CLSTN2: variants seen among roughly 807,000 people sequenced by gnomAD.
CLSTN2 encodes calsyntenin 2.
A neutral mutation model predicts 101.2 loss-of-function variants in CLSTN2; 48 were observed. The ratio of observed to expected loss-of-function variants is 0.47; its 90% confidence interval spans 0.38 to 0.60. The LOEUF (loss-of-function observed/expected upper bound fraction) is 0.60, where lower values mean the gene tolerates loss of function less well. Among genes scored for constraint, CLSTN2 ranks in the 20% least tolerant of loss-of-function variants. The probability of loss-of-function intolerance (pLI) is 0.00; values close to 1 mark genes in which losing one functional copy is unlikely to be tolerated. For synonymous variants in CLSTN2, 481 were observed against 463.6 expected (o/e 1.04, Z -0.48); for missense variants, 1,160 against 1,238.2 (o/e 0.94, Z 0.95).
intron 1 of CLSTN2, among the ~76,000 whole-genome samples, chr3:139,978,145 A>C (rs1368053440): frequency 6.6e-6 from 1 of 152,204 alleles, no homozygotes; most frequent in East Asian, 1.9e-4. Context: ...GAAAAAAGCA[A>C]GGGATCCTGA....
intron 1 of CLSTN2, among the ~76,000 whole-genome samples, chr3:139,958,574 A>G (rs578019039): frequency 1.5e-4 from 23 of 151,954 alleles, no homozygotes; most frequent in African/African-American, 5.6e-4. Flanking sequence ...GCTGGCCATG[A>G]TGTACCAGGT....
chr3:140,458,078 G>A (rs768721382), intron 6 of CLSTN2, among the ~76,000 whole-genome samples: 1 of 152,108 alleles, frequency 6.6e-6, no homozygotes, highest in Non-Finnish European at 1.5e-5. Flanking sequence ...AGGGAAAACT[G>A]GCTGAGTTGA....
At chr3:139,962,335 G>A (rs1020980476) in intron 1 of CLSTN2, among the ~76,000 whole-genome samples, 4 of 151,978 alleles carry the variant, frequency 2.6e-5, no homozygotes, top group Non-Finnish European at 2.9e-5. Flanking sequence ...AACTTTTGAC[G>A]TATGTATATA....
chr3:140,105,891 C>T (rs888153876), intron 1 of CLSTN2, among the ~76,000 whole-genome samples: 29 of 152,186 alleles, frequency 1.9e-4, no homozygotes, highest in Non-Finnish European at 4.0e-4. Flanking sequence ...AAGTCACACT[C>T]GGTGACCTAA....
At chr3:139,979,765 T>A (rs1935885008) in intron 1 of CLSTN2, among the ~76,000 whole-genome samples, 1 of 152,090 alleles carries the variant, frequency 6.6e-6, no homozygotes, top group African/African-American at 2.4e-5. Context: ...TACTCTGCTT[T>A]CTGCTGTATC....
intron 1 of CLSTN2, among the ~76,000 whole-genome samples, chr3:140,074,296 C>A (rs1480223998): frequency 1.3e-5 from 2 of 152,166 alleles, no homozygotes; most frequent in Non-Finnish European, 2.9e-5. Context: ...TGCCTCCCCC[C>A]ACCCCCCAAC....
At chr3:140,063,729 A>G (rs1216557058) in intron 1 of CLSTN2, among the ~76,000 whole-genome samples, 1 of 152,248 alleles carries the variant, frequency 6.6e-6, no homozygotes. Context: ...CTCCTTCAGT[A>G]TCTTGTCACC....
intron 1 of CLSTN2, among the ~76,000 whole-genome samples, chr3:140,151,817 A>G (rs1005802263): frequency 1.3e-5 from 2 of 152,246 alleles, no homozygotes; most frequent in African/African-American, 4.8e-5. Flanking sequence ...TTGTCCCAAG[A>G]CAATCATGGG....
Position 140,577,222 on chromosome 3 carries a change from A to G in CLSTN2, c.*10969A>G, listed in dbSNP as rs1985757963. 1 of 152,340 alleles carries G rather than the reference A, an allele frequency of 6.6e-6. No individual in the cohort carries two copies. The highest frequency in any genetic ancestry group is 1.5e-5 in the Non-Finnish European group (1 of 68,034). The allele number at this position is 152,340 out of a possible 1,614,324, so 9.4% of individuals were successfully genotyped here. The stretch of plus-strand genomic sequence containing the variant: ...TGTTTGAATCACAAACTTTAAATTT[A>G]TAATAATTATGATTCTTGCAGTTTT... On this transcript the variant is annotated 3_prime_UTR_variant, in exon 17 of 17. Transcript: ENST00000458420.
intron 2 of CLSTN2, among the ~76,000 whole-genome samples, chr3:140,208,867 C>T (rs1369380310): frequency 6.6e-6 from 1 of 152,138 alleles, no homozygotes; most frequent in Non-Finnish European, 1.5e-5. Context: ...TACTTACATG[C>T]TGCTGTAACC....
At chr3:140,449,465 G>C (rs952661355) in intron 6 of CLSTN2, 10 of 152,190 alleles carry the variant, frequency 6.6e-5, no homozygotes, top group Admixed American at 2.6e-4. Context: ...AGGGGCTTAA[G>C]ATACAGGATT....
chr3:140,148,908 C>A (rs1287103831), intron 1 of CLSTN2, among the ~76,000 whole-genome samples: 1 of 152,084 alleles, frequency 6.6e-6, no homozygotes, highest in Non-Finnish European at 1.5e-5. Context: ...TACAAACAGG[C>A]CATGAATGCA....
chr3:140,350,193 A>G (rs1390391840), intron 2 of CLSTN2, among the ~76,000 whole-genome samples: 2 of 152,260 alleles, frequency 1.3e-5, no homozygotes, highest in African/African-American at 2.4e-5. Context: ...GGAAGGCTGA[A>G]TGGAGCACAT....
chr3:140,358,187 G>T (rs989771469), intron 2 of CLSTN2, among the ~76,000 whole-genome samples: 3 of 152,080 alleles, frequency 2.0e-5, no homozygotes, highest in Non-Finnish European at 4.4e-5. Flanking sequence ...CTCTCAAAGT[G>T]TTAGGGAGAC....
At chr3:140,147,957 G>A (rs1405748329) in intron 1 of CLSTN2, among the ~76,000 whole-genome samples, 1 of 152,186 alleles carries the variant, frequency 6.6e-6, no homozygotes, top group Non-Finnish European at 1.5e-5. Context: ...CTACCTATTT[G>A]CCCTTGAAGG....
intron 7 of CLSTN2, among the ~76,000 whole-genome samples, chr3:140,463,107 C>G (rs77468118): frequency 1.3e-5 from 2 of 152,310 alleles, no homozygotes; most frequent in East Asian, 1.9e-4. Flanking sequence ...GGGTTTACCT[C>G]TCCATTCCTC....
In CLSTN2 at chr3:140,359,631, G is replaced by A. The variant is rs538170602; in HGVS notation, c.233-43998G>A. 8.5e-5 allele frequency among the ~76,000 whole-genome samples: 13 copies of A among 152,302 alleles called. No individual in the cohort carries two copies. In the East Asian group the frequency reaches 1.2e-3, roughly 14 times the overall value. On this transcript the variant is annotated intron_variant, in intron 2 of 16. Transcript: ENST00000458420. ...GAATGATCTCAAATACATTGAACAC[G>A]ATTTAAAATGAAGGCGGACCTCACC...
intron 2 of CLSTN2, among the ~76,000 whole-genome samples, chr3:140,336,147 G>A (rs754615965): frequency 3.9e-5 from 6 of 152,184 alleles, no homozygotes; most frequent in Non-Finnish European, 8.8e-5. Flanking sequence ...GGTGACTCAG[G>A]TTATTGATGA....
chr3:140,339,183 G>A (rs1188203236), intron 2 of CLSTN2, among the ~76,000 whole-genome samples: 1 of 152,112 alleles, frequency 6.6e-6, no homozygotes, highest in Non-Finnish European at 1.5e-5. Flanking sequence ...TACCATAAAG[G>A]GTTAGATCAA....
Sources: allele counts gnomAD v4.1 joint callset (sites outside exome capture counted in the v4.1 genomes callset), GRCh38; gene constraint gnomAD v4.1.1; transcripts MANE v1.5; gene names NCBI Gene and HGNC (gene_info 2026-07-23, HGNC 2026-07-21).